Variants in FAM216A observed in about 807,000 individuals in gnomAD.
The protein encoded by FAM216A is family with sequence similarity 216 member A, also known as protein FAM216A.
Under a neutral mutation model 37.6 loss-of-function variants are expected in FAM216A, and 26 were observed. That is an observed-to-expected ratio of 0.69 (90% CI 0.51 to 0.96). The LOEUF is 0.96. Among genes scored for constraint, FAM216A ranks in the 40% least tolerant of loss-of-function variants. The pLI, the probability that FAM216A is intolerant of heterozygous loss-of-function variation, is 0.00. For missense variants in FAM216A, 326 were observed against 339.3 expected (o/e 0.96, Z 0.31); for synonymous variants, 110 against 121.7 (o/e 0.90, Z 0.64).
intron 1 of FAM216A, among the ~76,000 whole-genome samples, chr12:110,470,993 C>T (rs969574426): frequency 3.9e-5 from 6 of 152,126 alleles, no homozygotes; most frequent in African/African-American, 1.4e-4. Context: ...TGGCAGGGGT[C>T]TTAAAAATCA....
intron 5 of FAM216A, 103 bp downstream of exon 5, chr12:110,486,820 G>A: frequency 2.9e-6 from 3 of 1,037,364 alleles, no homozygotes; most frequent in Non-Finnish European, 4.2e-6. Context: ...GTAGTGGTGT[G>A]ATACAGTTTA....
At chr12:110,488,867 G>C in intron 6 of FAM216A, among the ~76,000 whole-genome samples, 1 of 152,150 alleles carries the variant, frequency 6.6e-6, no homozygotes, top group Middle Eastern at 3.2e-3. Context: ...TGTAATAAAA[G>C]TTATGTGAAT....
intron 2 of FAM216A, among the ~76,000 whole-genome samples, chr12:110,483,456 C>G (rs2062759933): frequency 6.6e-6 from 1 of 152,086 alleles, no homozygotes; most frequent in African/African-American, 2.4e-5. Context: ...AGTTCCCATT[C>G]TTCTGGGAAT....
At chr12:110,469,276 A>G (rs2062664408) in intron 1 of FAM216A, 2 of 399,260 alleles carry the variant, frequency 5.0e-6, no homozygotes, top group African/African-American at 4.1e-5. Flanking sequence ...GGTGACTGCG[A>G]CAGTCGCCCG....
At chr12:110,483,114 A>G (rs1452275417) in intron 2 of FAM216A, among the ~76,000 whole-genome samples, 1 of 151,702 alleles carries the variant, frequency 6.6e-6, no homozygotes, top group African/African-American at 2.4e-5. Context: ...TCACGAGGTC[A>G]GGAGATCAAG....
intron 2 of FAM216A, among the ~76,000 whole-genome samples, chr12:110,479,426 A>T: frequency 6.6e-6 from 1 of 151,790 alleles, no homozygotes; most frequent in East Asian, 1.9e-4. Flanking sequence ...TTAATAGGTA[A>T]CTCGTCTCCA....
At position 110,485,190 on chromosome 12, in the gene FAM216A, C is replaced by T. The variant is rs1274432329; in HGVS notation, c.297C>T (p.Ser99=). The change falls in exon 3 of 7, where the codon TCC becomes TCT. Residue 99 remains serine (S), a synonymous_variant. Transcript: ENST00000377673. ...TCTCTAAATCAATGATGGAGGCGTC[C>T]TTTTTCAAGGTATGCTAACAGGGAC... is the stretch of plus-strand genomic sequence containing the variant. ...IHLSKSMMEA[S]FFKHPDLTTG... The T allele has an allele frequency of 6.2e-7, 1 of 1,607,186 alleles. No individual in the cohort carries two copies. The highest frequency in any genetic ancestry group is 8.5e-7 in the Non-Finnish European group (1 of 1,178,260).
chr12:110,475,510 G>A (rs1442893689), intron 2 of FAM216A, among the ~76,000 whole-genome samples: 3 of 152,056 alleles, frequency 2.0e-5, no homozygotes, highest in Non-Finnish European at 4.4e-5. Context: ...CCAAAGTGCT[G>A]GGCAGGCATG....
At chr12:110,480,556 T>C (rs1185892457) in intron 2 of FAM216A, among the ~76,000 whole-genome samples, 1 of 152,060 alleles carries the variant, frequency 6.6e-6, no homozygotes, top group Admixed American at 6.6e-5. Context: ...ACTCAAGTGA[T>C]CTGCCCGCCT....
chr12:110,468,842 A>G (rs971477966), upstream of FAM216A: 47 of 1,478,680 alleles, frequency 3.2e-5, no homozygotes, highest in Middle Eastern at 1.9e-4. Context: ...CCGGAATACC[A>G]GCAGCCTGAC....
At chr12:110,474,202 T>C (rs1251533975) in intron 2 of FAM216A, among the ~76,000 whole-genome samples, 1 of 152,118 alleles carries the variant, frequency 6.6e-6, no homozygotes, top group Non-Finnish European at 1.5e-5. Context: ...TACTGAATTA[T>C]AGTTCAGTGT....
intron 2 of FAM216A, 29 bp from the exon 3 acceptor site, chr12:110,485,049 T>C: frequency 6.3e-7 from 1 of 1,590,736 alleles, no homozygotes; most frequent in Non-Finnish European, 8.5e-7. Flanking sequence ...TCTTTGCCTC[T>C]GAAATTCACA....
At chr12:110,477,730 CAG>C (rs1395127836) in intron 2 of FAM216A, among the ~76,000 whole-genome samples, 5 of 150,886 alleles carry the variant, frequency 3.3e-5, no homozygotes, top group Admixed American at 6.6e-5. Flanking sequence ...TTTTTTGAGA[CAG>C]AGTCTCCCTC....
At chr12:110,483,384 A>AAAACTGCTAGTG (rs2062759625) in intron 2 of FAM216A, among the ~76,000 whole-genome samples, 1 of 151,932 alleles carries the variant, frequency 6.6e-6, no homozygotes, top group African/African-American at 2.4e-5. Context: ...TATTTTTCCC[A>AAAACTGCTAGTG]AAACTGCTAG....
chr12:110,483,527 T>C (rs903261671), intron 2 of FAM216A, among the ~76,000 whole-genome samples: 1 of 151,358 alleles, frequency 6.6e-6, no homozygotes, highest in African/African-American at 2.4e-5. Flanking sequence ...CAACTGTTTT[T>C]AAAACAATGA....
At chr12:110,468,486 A>C, upstream of FAM216A, 1 of 1,537,244 alleles carries the variant, frequency 6.5e-7, no homozygotes, top group Non-Finnish European at 8.7e-7. Context: ...GTAATAACGG[A>C]CAACAGATAA....
Position 110,469,225 on chromosome 12 carries a change from T to C in FAM216A, c.143+207T>C, listed in dbSNP as rs562076238. Reference sequence around the variant, plus strand: ...TGCCTCGCGGTTGAGGGAGGGTCTCTGAGGGAAGCTTCGGAGGAGCGTTTG... The same window carrying C: ...TGCCTCGCGGTTGAGGGAGGGTCTCCGAGGGAAGCTTCGGAGGAGCGTTTG... On this transcript the variant is annotated intron_variant, in intron 1 of 6. Coordinates refer to ENST00000377673, the MANE Select transcript of FAM216A (RefSeq NM_013300.3). 5.7e-6 allele frequency: 3 copies of C among 527,766 alleles called. No homozygotes were observed. In the East Asian group the frequency reaches 1.0e-4, roughly 18 times the overall value. 32.7% of individuals were successfully genotyped at this position (527,766 alleles called of 1,614,324 possible).
At chr12:110,470,914 C>T (rs1296815906) in intron 1 of FAM216A, among the ~76,000 whole-genome samples, 1 of 151,870 alleles carries the variant, frequency 6.6e-6, no homozygotes, top group East Asian at 1.9e-4. Flanking sequence ...GCTTATATTC[C>T]CAGAAATACA....
At chr12:110,474,552 T>TGTG in intron 2 of FAM216A, among the ~76,000 whole-genome samples, 1 of 150,114 alleles carries the variant, frequency 6.7e-6, no homozygotes, top group Non-Finnish European at 1.5e-5. Flanking sequence ...ATTAGCCAGG[T>TGTG]GTGGTGGTGC....
Sources: allele counts gnomAD v4.1 joint callset (sites outside exome capture counted in the v4.1 genomes callset), GRCh38; gene constraint gnomAD v4.1.1; transcripts MANE v1.5; gene names NCBI Gene and HGNC (gene_info 2026-07-23, HGNC 2026-07-21).